Variants in PRKD1 observed in about 807,000 individuals in gnomAD.
PRKD1 encodes the protein protein kinase D1, also known as serine/threonine-protein kinase D1.
PRKD1 carries 63 observed loss-of-function variants against 95.9 expected under a neutral mutation model. The observed-to-expected ratio is 0.66, with a 90% CI of 0.54 to 0.81. The LOEUF is 0.81. PRKD1 is among the 30% of genes least tolerant of loss of function. The probability of loss-of-function intolerance (pLI) is 0.00; values close to 1 mark genes in which losing one functional copy is unlikely to be tolerated. For missense variants in PRKD1, 1,048 were observed against 1,165.3 expected (o/e 0.90, Z 1.47); for synonymous variants, 425 against 423.1 (o/e 1.00, Z -0.05).
At chr14:29,635,940 G>C (rs924509128) in intron 7 of PRKD1, among the ~76,000 whole-genome samples, 4 of 151,994 alleles carry the variant, frequency 2.6e-5, no homozygotes, top group African/African-American at 9.7e-5. Flanking sequence ...GATGATTTCT[G>C]CTGAGTTTGA....
intron 2 of PRKD1, among the ~76,000 whole-genome samples, chr14:29,671,244 G>A (rs1308514003): frequency 6.6e-6 from 1 of 152,102 alleles, no homozygotes; most frequent in Non-Finnish European, 1.5e-5. Flanking sequence ...GAAGAAAAGG[G>A]ACTGGTAACT....
At chr14:29,898,866 C>A (rs1468492434) in intron 1 of PRKD1, among the ~76,000 whole-genome samples, 1 of 152,086 alleles carries the variant, frequency 6.6e-6, no homozygotes, top group Non-Finnish European at 1.5e-5. Flanking sequence ...CTTTAAAAAA[C>A]CATTTAATAT....
chr14:29,820,583 A>T (rs139403863), intron 1 of PRKD1, among the ~76,000 whole-genome samples: 277 of 152,306 alleles, frequency 1.8e-3, no homozygotes, highest in Admixed American at 3.3e-3. Context: ...GCAGGAAGTC[A>T]ACCAAGTAAA....
chr14:29,684,423 C>T (rs1883733229), intron 2 of PRKD1, among the ~76,000 whole-genome samples: 1 of 152,080 alleles, frequency 6.6e-6, no homozygotes, highest in Non-Finnish European at 1.5e-5. Context: ...TATTTTGTAC[C>T]AGTAATTTAA....
At chr14:29,711,320 A>G (rs879367916) in intron 2 of PRKD1, among the ~76,000 whole-genome samples, 6 of 152,176 alleles carry the variant, frequency 3.9e-5, no homozygotes, top group Non-Finnish European at 8.8e-5. Context: ...TTTTAACTTT[A>G]GAAACCTAAG....
chr14:29,657,045 G>A (rs756283718), intron 4 of PRKD1, among the ~76,000 whole-genome samples: 1 of 152,158 alleles, frequency 6.6e-6, no homozygotes, highest in Non-Finnish European at 1.5e-5. Context: ...TAGCGGGTTA[G>A]AGTTTTAAGG....
intron 16 of PRKD1, among the ~76,000 whole-genome samples, chr14:29,596,987 A>G (rs1157846405): frequency 1.3e-5 from 2 of 152,190 alleles, no homozygotes; most frequent in East Asian, 3.9e-4. Context: ...TTCTAATACT[A>G]AACATAGAGA....
chr14:29,820,434 C>G (rs953794335), intron 1 of PRKD1, among the ~76,000 whole-genome samples: 7 of 152,206 alleles, frequency 4.6e-5, no homozygotes, highest in African/African-American at 1.7e-4. Flanking sequence ...ATAGATGAGA[C>G]CAAACATTTT....
rs534951961 is a variant in PRKD1 at position 29,878,609 on chromosome 14, T to C, written c.264+48640A>G. Among the ~76,000 whole-genome samples, 4 of 152,266 alleles carry C rather than the reference T, an allele frequency of 2.6e-5. No individual in the cohort carries two copies. The South Asian group carries it at 8.3e-4, about 32-fold the overall frequency. On this transcript the variant is annotated intron_variant, in intron 1 of 17. Coordinates refer to ENST00000331968, the MANE Select transcript of PRKD1 (RefSeq NM_002742.3). ...TGAAGTTCTGATACATGCTACAACA[T>C]GGATGAGCCTTGAAAACATTACACT...
intron 1 of PRKD1, among the ~76,000 whole-genome samples, chr14:29,762,950 C>T (rs372345133): frequency 6.6e-6 from 1 of 151,742 alleles, no homozygotes; most frequent in African/African-American, 2.4e-5. Flanking sequence ...CACCATGTTG[C>T]CCAGGCTGAT....
At chr14:29,778,341 T>A (rs1477152417) in intron 1 of PRKD1, among the ~76,000 whole-genome samples, 3 of 151,834 alleles carry the variant, frequency 2.0e-5, no homozygotes, top group Non-Finnish European at 4.4e-5. Flanking sequence ...AATCAATGAA[T>A]CCAGGAGCTG....
intron 1 of PRKD1, among the ~76,000 whole-genome samples, chr14:29,789,746 T>C (rs1187454729): frequency 6.6e-6 from 1 of 151,924 alleles, no homozygotes; most frequent in Non-Finnish European, 1.5e-5. Flanking sequence ...GAAGGGTGGG[T>C]ATATTGTCAG....
At chr14:29,694,763 C>T (rs1268137633) in intron 2 of PRKD1, among the ~76,000 whole-genome samples, 1 of 152,056 alleles carries the variant, frequency 6.6e-6, no homozygotes, top group Non-Finnish European at 1.5e-5. Context: ...GAGAAGGTGC[C>T]ACTTCAGTAA....
chr14:29,597,711 A>G lies in PRKD1; in HGVS notation c.2214T>C (p.Ser738=). Residue 738 remains serine (S), a synonymous_variant, in exon 16 of 18, where the codon TCT becomes TCC. Coordinates refer to ENST00000331968, the MANE Select transcript of PRKD1 (RefSeq NM_002742.3). ...GGGTACCCACCACTGACCTCCGGAA[A>G]GACTTCTCTCCAATGATCCGGGCAA... The part of the protein sequence containing the change: ...FGFARIIGEK[S]FRRSVVGTPA... The G allele has an allele frequency of 6.2e-7, 1 of 1,613,832 alleles. No homozygotes were observed. Among genetic ancestry groups the G allele is most frequent in the Non-Finnish European group, 8.5e-7 (1 of 1,179,914 alleles).
chr14:29,585,047 G>T (rs1330211869), intron 16 of PRKD1, among the ~76,000 whole-genome samples: 1 of 152,030 alleles, frequency 6.6e-6, no homozygotes, highest in South Asian at 2.1e-4. Context: ...TTGCCTTCAG[G>T]CAAGTGTTTT....
intron 12 of PRKD1, 64 bp downstream of exon 12, chr14:29,626,420 C>A: frequency 1.6e-6 from 2 of 1,271,124 alleles, no homozygotes; most frequent in Non-Finnish European, 2.3e-6. Flanking sequence ...CTGTAAATAT[C>A]GCTTTTTAAA....
At chr14:29,818,622 A>AG (rs1204028406) in intron 1 of PRKD1, among the ~76,000 whole-genome samples, 1 of 151,764 alleles carries the variant, frequency 6.6e-6, no homozygotes, top group Non-Finnish European at 1.5e-5. Flanking sequence ...ATTTGAAAAA[A>AG]AAAAAAAAGA....
chr14:29,696,023 T>C (rs1221702491), intron 2 of PRKD1, among the ~76,000 whole-genome samples: 1 of 152,216 alleles, frequency 6.6e-6, no homozygotes, highest in African/African-American at 2.4e-5. Context: ...TCACTTTTTC[T>C]TAGGAGTGAG....
chr14:29,664,392 C>G (rs141489119), intron 3 of PRKD1, among the ~76,000 whole-genome samples: 2 of 152,244 alleles, frequency 1.3e-5, no homozygotes, highest in African/African-American at 4.8e-5. Context: ...TGCTGGTTTC[C>G]ACATGGTAGG....
Sources: gnomAD v4.1 joint callset for allele counts (sites outside exome capture counted in the v4.1 genomes callset) on GRCh38, gnomAD v4.1.1 for gene constraint, MANE v1.5 for transcripts, NCBI Gene and HGNC (gene_info 2026-07-23, HGNC 2026-07-21) for gene names.